NFATC1: variants seen among roughly 807,000 people sequenced by gnomAD.
The protein encoded by NFATC1 is nuclear factor of activated T-cells, cytoplasmic 1.
NFATC1 carries 22 observed loss-of-function variants against 76.0 expected under a neutral mutation model. That is an observed-to-expected ratio of 0.29 (90% CI 0.21 to 0.41). The LOEUF (loss-of-function observed/expected upper bound fraction) is 0.41, where lower values mean the gene tolerates loss of function less well. Ranked by LOEUF, NFATC1 falls within the 10% of genes least tolerant of loss-of-function variation. The probability of loss-of-function intolerance (pLI) is 1.00; values close to 1 mark genes in which losing one functional copy is unlikely to be tolerated. For synonymous variants in NFATC1, 704 were observed against 613.1 expected (o/e 1.15, Z -2.19); for missense variants, 1,357 against 1,337.7 (o/e 1.01, Z -0.23).
At chr18:79,455,449 C>T (rs995204566) in intron 6 of NFATC1, among the ~76,000 whole-genome samples, 1 of 152,170 alleles carries the variant, frequency 6.6e-6, no homozygotes, top group Non-Finnish European at 1.5e-5. Flanking sequence ...GGGGAGGCAG[C>T]CTGGCATCTC....
At chr18:79,520,425 C>G (rs1445381724) in intron 9 of NFATC1, among the ~76,000 whole-genome samples, 1 of 150,576 alleles carries the variant, frequency 6.6e-6, no homozygotes, top group Non-Finnish European at 1.5e-5. Flanking sequence ...CCTCTGGCCA[C>G]CTGCCTCCCC....
chr18:79,462,166 C>G (rs188734159), intron 7 of NFATC1, among the ~76,000 whole-genome samples: 1 of 152,134 alleles, frequency 6.6e-6, no homozygotes, highest in African/African-American at 2.4e-5. Context: ...ATCTCCTGCA[C>G]GGCACCGGTT....
intron 9 of NFATC1, among the ~76,000 whole-genome samples, chr18:79,487,185 C>T (rs1466361904): frequency 1.3e-5 from 2 of 152,252 alleles, no homozygotes; most frequent in African/African-American, 4.8e-5. Context: ...TCCTGGGCTG[C>T]AGATCCTCCT....
intron 8 of NFATC1, chr18:79,469,961 A>G (rs2088709082): frequency 1.3e-5 from 13 of 985,262 alleles, no homozygotes; most frequent in Non-Finnish European, 1.6e-5. Context: ...CGCTGGGCCT[A>G]CCTCGAGGCC....
At chr18:79,495,720 T>A (rs966387878) in intron 9 of NFATC1, among the ~76,000 whole-genome samples, 1 of 152,260 alleles carries the variant, frequency 6.6e-6, no homozygotes, top group East Asian at 1.9e-4. Context: ...GTGTGTGCGA[T>A]GCCTTTGTCA....
At chr18:79,399,966 C>G in intron 1 of NFATC1, among the ~76,000 whole-genome samples, 1 of 140,936 alleles carries the variant, frequency 7.1e-6, no homozygotes, top group East Asian at 2.4e-4. Context: ...TTGAAAACTT[C>G]TTTAAAAAAA....
intron 8 of NFATC1, among the ~76,000 whole-genome samples, chr18:79,475,904 A>C (rs1011440776): frequency 1.2e-4 from 18 of 152,338 alleles, no homozygotes; most frequent in Non-Finnish European, 1.8e-4. Context: ...CAGAAATCAG[A>C]GATGAGGGGA....
At chr18:79,398,524 C>T (rs1349931493) in intron 1 of NFATC1, among the ~76,000 whole-genome samples, 1 of 152,176 alleles carries the variant, frequency 6.6e-6, no homozygotes, top group Non-Finnish European at 1.5e-5. Context: ...GGAAGGAAGC[C>T]CAGCACTGGG....
rs557847851 is a variant in NFATC1 at position 79,476,964 on chromosome 18, G to A, written c.2093-9284G>A. ...TGAGAGAGCACAAATTCCCAAAGGC[G>A]GATGGAGTTCGGAAGGACCCTTCTC... On this transcript the variant is annotated intron_variant, in intron 8 of 9. Transcript: ENST00000427363. Among the ~76,000 whole-genome samples the A allele has an allele frequency of 5.9e-5, 9 of 152,338 alleles. 1 individual carries two copies. Among genetic ancestry groups the A allele is most frequent in the Middle Eastern group, 6.8e-3 (2 of 294 alleles).
chr18:79,451,169 G>A (rs766436931), intron 5 of NFATC1, 43 bp downstream of exon 5: 117 of 1,578,678 alleles, frequency 7.4e-5, no homozygotes, highest in East Asian at 3.2e-4. Context: ...AAACCGTCCC[G>A]TCACATGCGC....
chr18:79,428,079 G>A (rs1326582029), intron 2 of NFATC1, among the ~76,000 whole-genome samples: 1 of 133,088 alleles, frequency 7.5e-6, no homozygotes, highest in Non-Finnish European at 1.6e-5. Context: ...GGGTCGGGGG[G>A]CCTGGACAGC....
intron 1 of NFATC1, among the ~76,000 whole-genome samples, chr18:79,397,404 G>T (rs1233596704): frequency 1.4e-5 from 2 of 147,808 alleles, no homozygotes; most frequent in Middle Eastern, 6.5e-3. Flanking sequence ...CCTGATAACT[G>T]CGGGGCTTGC....
chr18:79,522,830 C>T (rs2090650452), intron 9 of NFATC1, among the ~76,000 whole-genome samples: 1 of 152,218 alleles, frequency 6.6e-6, no homozygotes, highest in Non-Finnish European at 1.5e-5. Context: ...CCAGTAGGCC[C>T]ATCCAGCTTT....
intron 9 of NFATC1, among the ~76,000 whole-genome samples, chr18:79,525,949 C>CACAG (rs2090750058): frequency 2.0e-5 from 3 of 152,288 alleles, no homozygotes; most frequent in African/African-American, 7.2e-5. Context: ...GCCACAGATG[C>CACAG]CAAGCACAGC....
chr18:79,408,899 C>G (rs1029523898), intron 1 of NFATC1, among the ~76,000 whole-genome samples: 102 of 150,640 alleles, frequency 6.8e-4, no homozygotes, highest in African/African-American at 2.4e-3. Flanking sequence ...CATCCATCAT[C>G]CATCCATCAT....
chr18:79,490,439 C>T (rs752763035), intron 9 of NFATC1, among the ~76,000 whole-genome samples: 28 of 151,736 alleles, frequency 1.8e-4, no homozygotes, highest in Non-Finnish European at 3.5e-4. Flanking sequence ...CAGGGTGGTC[C>T]CTGGTGCAGG....
intron 8 of NFATC1, among the ~76,000 whole-genome samples, chr18:79,480,242 G>A (rs1019801666): frequency 3.9e-5 from 6 of 152,220 alleles, no homozygotes; most frequent in South Asian, 2.1e-4. Flanking sequence ...GCAGGCACAC[G>A]AGTTTATTCC....
intron 9 of NFATC1, among the ~76,000 whole-genome samples, chr18:79,520,229 G>A (rs757830484): frequency 1.4e-5 from 2 of 137,978 alleles, no homozygotes; most frequent in Admixed American, 7.8e-5. Flanking sequence ...CGGGAGGTCC[G>A]GACGAAATGT....
At chr18:79,401,195 G>C (rs1421055882) in intron 1 of NFATC1, among the ~76,000 whole-genome samples, 2 of 150,440 alleles carry the variant, frequency 1.3e-5, no homozygotes, top group East Asian at 4.1e-4. Context: ...TTCTGTCCAG[G>C]TCACCCCAGG....
Sources: gnomAD v4.1 joint callset for allele counts (sites outside exome capture counted in the v4.1 genomes callset) on GRCh38, gnomAD v4.1.1 for gene constraint, MANE v1.5 for transcripts, NCBI Gene and HGNC (gene_info 2026-07-23, HGNC 2026-07-21) for gene names.